Variants in ASCC3 observed in about 807,000 individuals in gnomAD.
ASCC3 encodes the protein activating signal cointegrator 1 complex subunit 3.
ASCC3 carries 158 observed loss-of-function variants against 256.3 expected under a neutral mutation model. The observed-to-expected ratio is 0.62, with a 90% CI of 0.54 to 0.70. The LOEUF is 0.70. ASCC3 is among the 30% of genes least tolerant of loss of function. ASCC3 has a pLI of 0.00. For synonymous variants in ASCC3, 948 were observed against 883.4 expected (o/e 1.07, Z -1.30); for missense variants, 2,259 against 2,626.0 (o/e 0.86, Z 3.05).
intron 4 of ASCC3, among the ~76,000 whole-genome samples, chr6:100,822,413 T>A (rs1470702574): frequency 6.6e-6 from 1 of 151,844 alleles, no homozygotes; most frequent in Non-Finnish European, 1.5e-5. Context: ...GGCATATGCC[T>A]GTGGTCCCAA....
rs1352744021 is a variant in ASCC3 at position 100,585,118 on chromosome 6, T to C, written c.5550+4516A>G. 1.1e-4 allele frequency among the ~76,000 whole-genome samples: 16 copies of C among 152,280 alleles called. No individual in the cohort carries two copies. The South Asian group carries it at 2.1e-3, about 20-fold the overall frequency. On this transcript the variant is annotated intron_variant, in intron 36 of 41. Coordinates refer to ENST00000369162, the MANE Select transcript of ASCC3 (RefSeq NM_006828.4). ...GTTCTCTGTATTTCCTGAATCTGAA[T>C]GTTGGCCTGCCTTGCTAGATTGGGG...
At chr6:100,788,484 A>T (rs1363085468) in intron 8 of ASCC3, among the ~76,000 whole-genome samples, 1 of 151,996 alleles carries the variant, frequency 6.6e-6, no homozygotes, top group Admixed American at 6.6e-5. Flanking sequence ...GGAAAACAAA[A>T]ATATATGTTC....
At chr6:100,767,632 G>C (rs1050651870) in intron 8 of ASCC3, among the ~76,000 whole-genome samples, 2 of 151,722 alleles carry the variant, frequency 1.3e-5, no homozygotes, top group African/African-American at 4.8e-5. Context: ...TTTTTGAGAC[G>C]GAGTCTCACT....
intron 36 of ASCC3, among the ~76,000 whole-genome samples, chr6:100,546,369 T>C (rs1443117517): frequency 6.6e-6 from 1 of 152,164 alleles, no homozygotes; most frequent in Non-Finnish European, 1.5e-5. Flanking sequence ...ATTGACAAGT[T>C]GATTCTAAAA....
At chr6:100,605,827 T>C in intron 32 of ASCC3, 127 bp from the exon 33 acceptor site, 6 of 1,120,964 alleles carry the variant, frequency 5.4e-6, no homozygotes, top group East Asian at 2.6e-5. Flanking sequence ...ATAATATGTT[T>C]GCTATGTTGA....
intron 8 of ASCC3, among the ~76,000 whole-genome samples, chr6:100,784,083 G>A (rs1782579887): frequency 6.6e-6 from 1 of 152,106 alleles, no homozygotes; most frequent in Non-Finnish European, 1.5e-5. Flanking sequence ...TTAAAGGCTT[G>A]TAAAACTTAT....
At chr6:100,841,258 G>A (rs958464762) in intron 4 of ASCC3, among the ~76,000 whole-genome samples, 18 of 152,238 alleles carry the variant, frequency 1.2e-4, no homozygotes, top group Non-Finnish European at 1.6e-4. Context: ...GTTCAGGTAT[G>A]CAGACCCTGA....
At chr6:100,558,702 A>G (rs1171913245) in intron 36 of ASCC3, among the ~76,000 whole-genome samples, 1 of 152,168 alleles carries the variant, frequency 6.6e-6, no homozygotes, top group Non-Finnish European at 1.5e-5. Context: ...ATTGGGAAAC[A>G]ATTATTTCAA....
At chr6:100,871,462 T>C (rs1201924856) in intron 1 of ASCC3, among the ~76,000 whole-genome samples, 4 of 152,020 alleles carry the variant, frequency 2.6e-5, no homozygotes, top group Admixed American at 2.6e-4. Context: ...AAGAAATTCA[T>C]CTATTAAGAA....
intron 37 of ASCC3, 68 bp from the exon 38 acceptor site, chr6:100,518,210 G>T (rs1774132598): frequency 2.6e-6 from 4 of 1,550,474 alleles, no homozygotes; most frequent in Non-Finnish European, 3.5e-6. Flanking sequence ...CTGGGATTCT[G>T]ATGTTAGCTT....
intron 4 of ASCC3, among the ~76,000 whole-genome samples, chr6:100,809,345 A>G (rs1175919201): frequency 6.6e-6 from 1 of 152,018 alleles, no homozygotes; most frequent in Non-Finnish European, 1.5e-5. Flanking sequence ...TTATTCTATA[A>G]GCTTTTTTCT....
intron 36 of ASCC3, among the ~76,000 whole-genome samples, chr6:100,585,060 G>A (rs924427396): frequency 9.9e-5 from 15 of 152,144 alleles, no homozygotes; most frequent in Non-Finnish European, 1.6e-4. Context: ...TATGTGTCTT[G>A]GAGTTGCTCT....
intron 35 of ASCC3, 75 bp from the exon 36 acceptor site, chr6:100,589,843 G>A: frequency 6.3e-7 from 1 of 1,597,704 alleles, no homozygotes. Flanking sequence ...TCAGACAGGT[G>A]CTTTTGAAAC....
chr6:100,673,739 C>G (rs1254926595), intron 14 of ASCC3, among the ~76,000 whole-genome samples: 1 of 152,146 alleles, frequency 6.6e-6, no homozygotes, highest in Non-Finnish European at 1.5e-5. Context: ...GAATTTTGGT[C>G]ACACAACTTG....
At chr6:100,822,339 C>T (rs1771086475) in intron 4 of ASCC3, among the ~76,000 whole-genome samples, 2 of 151,984 alleles carry the variant, frequency 1.3e-5, no homozygotes, top group Non-Finnish European at 2.9e-5. Flanking sequence ...GAGTTCGAGA[C>T]CAACCTGGGC....
intron 36 of ASCC3, among the ~76,000 whole-genome samples, chr6:100,581,998 A>G (rs62422671): frequency 6.6e-6 from 1 of 152,154 alleles, no homozygotes; most frequent in Non-Finnish European, 1.5e-5. Flanking sequence ...CTTGTAGTAT[A>G]TAGTTTGAAG....
intron 10 of ASCC3, among the ~76,000 whole-genome samples, chr6:100,765,766 G>A (rs1010072686): frequency 1.3e-5 from 2 of 152,112 alleles, no homozygotes; most frequent in African/African-American, 4.8e-5. Flanking sequence ...GATACTTTTG[G>A]TCTATACCAC....
At chr6:100,653,039 G>C (rs1280172008) in intron 17 of ASCC3, 150 bp from the exon 18 acceptor site, 1 of 736,936 alleles carries the variant, frequency 1.4e-6, no homozygotes, top group Non-Finnish European at 2.2e-6. Flanking sequence ...CTACATTTAG[G>C]AAATAATTGA....
intron 13 of ASCC3, among the ~76,000 whole-genome samples, chr6:100,689,671 G>A (rs1777745433): frequency 6.6e-6 from 1 of 152,110 alleles, no homozygotes; most frequent in African/African-American, 2.4e-5. Flanking sequence ...AATTATAATA[G>A]CTTGTAGGCT....
Sources: gnomAD v4.1 joint callset for allele counts (sites outside exome capture counted in the v4.1 genomes callset) on GRCh38, gnomAD v4.1.1 for gene constraint, MANE v1.5 for transcripts, NCBI Gene and HGNC (gene_info 2026-07-23, HGNC 2026-07-21) for gene names.